Variants in SPSB4 observed in about 807,000 individuals in gnomAD.
The protein encoded by SPSB4 is splA/ryanodine receptor domain and SOCS box containing 4.
Under a neutral mutation model 20.9 loss-of-function variants are expected in SPSB4, and 21 were observed. The ratio of observed to expected loss-of-function variants is 1.01; its 90% confidence interval spans 0.71 to 1.45. The LOEUF is 1.45. Ranked by LOEUF, SPSB4 falls within the 40% of genes most tolerant of loss-of-function variation. The pLI is 0.00. For missense variants in SPSB4, 399 were observed against 399.2 expected (o/e 1.00, Z 0.00); for synonymous variants, 207 against 183.8 (o/e 1.13, Z -1.02).
intron 2 of SPSB4, among the ~76,000 whole-genome samples, chr3:141,110,165 C>T (rs1402781176): frequency 6.6e-6 from 1 of 152,164 alleles, no homozygotes; most frequent in Non-Finnish European, 1.5e-5. Flanking sequence ...CAGCCCTGTC[C>T]CAGGGCTGGA....
chr3:141,120,623 A>T (rs1938951915), intron 2 of SPSB4, among the ~76,000 whole-genome samples: 1 of 152,204 alleles, frequency 6.6e-6, no homozygotes, highest in South Asian at 2.1e-4. Flanking sequence ...TATTTAGGAT[A>T]GTTAGTTCTT....
At chr3:141,074,186 G>A (rs1938058875) in intron 2 of SPSB4, among the ~76,000 whole-genome samples, 1 of 152,100 alleles carries the variant, frequency 6.6e-6, no homozygotes, top group Non-Finnish European at 1.5e-5. Flanking sequence ...TCCTGACTTG[G>A]TTTCTAATTA....
At chr3:141,140,439 GT>G (rs1331260040) in intron 2 of SPSB4, among the ~76,000 whole-genome samples, 1 of 152,132 alleles carries the variant, frequency 6.6e-6, no homozygotes, top group African/African-American at 2.4e-5. Context: ...TTTCTGCTCT[GT>G]TTTTTCCCCA....
chr3:141,126,795 A>G (rs1939055423), intron 2 of SPSB4, among the ~76,000 whole-genome samples: 1 of 152,178 alleles, frequency 6.6e-6, no homozygotes, highest in Admixed American at 6.5e-5. Flanking sequence ...AATAGAGCCC[A>G]CTCCGACCCC....
chr3:141,075,118 C>CAATGCAGTTTCTGAGTCCGT (rs147497394), intron 2 of SPSB4, among the ~76,000 whole-genome samples: 45,971 of 151,230 alleles, frequency 0.3, 10,750 homozygotes, highest in African/African-American at 0.65. Flanking sequence ...AGTGAGAATT[C>CAATGCAGTTTCTGAGTCCGT]AATGCAGTTT....
chr3:141,074,169 G>C (rs1245358225), intron 2 of SPSB4, among the ~76,000 whole-genome samples: 1 of 152,120 alleles, frequency 6.6e-6, no homozygotes, highest in Non-Finnish European at 1.5e-5. Flanking sequence ...CACTGGCTTG[G>C]CTTCAGTCCT....
intron 2 of SPSB4, among the ~76,000 whole-genome samples, chr3:141,146,552 G>A (rs1401647533): frequency 3.3e-5 from 5 of 152,292 alleles, no homozygotes; most frequent in East Asian, 1.9e-4. Flanking sequence ...CGAGAAGGGC[G>A]ATCACGAGGT....
intron 2 of SPSB4, among the ~76,000 whole-genome samples, chr3:141,105,148 G>C (rs1356231626): frequency 6.6e-6 from 1 of 152,200 alleles, no homozygotes; most frequent in Admixed American, 6.5e-5. Context: ...GGCCAGAAAG[G>C]CTCACAGAAA....
At chr3:141,129,065 G>A (rs1469935434) in intron 2 of SPSB4, among the ~76,000 whole-genome samples, 2 of 152,210 alleles carry the variant, frequency 1.3e-5, no homozygotes, top group African/African-American at 2.4e-5. Context: ...TTTAGCCTGG[G>A]AGGGTGAGGA....
intron 2 of SPSB4, among the ~76,000 whole-genome samples, chr3:141,123,369 TG>T (rs1576538969): frequency 1.3e-5 from 2 of 152,270 alleles, no homozygotes; most frequent in African/African-American, 4.8e-5. Context: ...CAGAATTTTG[TG>T]CTTATTATTC....
chr3:141,063,260 G>A (rs1479398681), intron 1 of SPSB4, among the ~76,000 whole-genome samples: 1 of 152,006 alleles, frequency 6.6e-6, no homozygotes, highest in African/African-American at 2.4e-5. Context: ...TTTGCTTTGG[G>A]GAATGTCTCT....
chr3:141,091,478 A>T (rs1938448733), intron 2 of SPSB4, among the ~76,000 whole-genome samples: 1 of 152,168 alleles, frequency 6.6e-6, no homozygotes, highest in African/African-American at 2.4e-5. Context: ...TCAACTTTTG[A>T]ATCTGTTTTC....
intron 2 of SPSB4, among the ~76,000 whole-genome samples, chr3:141,133,762 A>G (rs953027678): frequency 3.9e-5 from 6 of 152,100 alleles, no homozygotes; most frequent in Non-Finnish European, 5.9e-5. Flanking sequence ...TGCTTAGGCT[A>G]TGTGAGCTCT....
chr3:141,126,003 G>C (rs907674875), intron 2 of SPSB4, among the ~76,000 whole-genome samples: 5 of 152,134 alleles, frequency 3.3e-5, no homozygotes, highest in African/African-American at 1.2e-4. Context: ...CACGCAGACA[G>C]GTTTGAAAGA....
intron 2 of SPSB4, among the ~76,000 whole-genome samples, chr3:141,143,563 A>G (rs1939370004): frequency 6.6e-6 from 1 of 152,192 alleles, no homozygotes; most frequent in South Asian, 2.1e-4. Context: ...TTGGTTATAG[A>G]TGTTTAGTGT....
rs542853489 is a variant in SPSB4, at chr3:141,067,577, T to C, written c.694+779T>C. Reference sequence around the variant, plus strand: ...GCTGCTGGGGTTGACCCCTGACAACTCTATGGCTTCCTCTCATTTAATATA... The same window carrying C: ...GCTGCTGGGGTTGACCCCTGACAACCCTATGGCTTCCTCTCATTTAATATA... On this transcript the variant is annotated intron_variant, in intron 2 of 2. Transcript: ENST00000310546. Among the ~76,000 whole-genome samples, 6 of 152,328 alleles carry C rather than the reference T, an allele frequency of 3.9e-5. No individual in the cohort carries two copies. The South Asian group carries it at 1.2e-3, about 32-fold the overall frequency.
At chr3:141,134,882 C>CTTT (rs759838468) in intron 2 of SPSB4, among the ~76,000 whole-genome samples, 1 of 136,176 alleles carries the variant, frequency 7.3e-6, no homozygotes, top group Non-Finnish European at 1.6e-5. Flanking sequence ...GGAATAGTTT[C>CTTT]TTTTTTTTTT....
intron 2 of SPSB4, among the ~76,000 whole-genome samples, chr3:141,141,297 G>A (rs961809203): frequency 9.9e-5 from 15 of 152,174 alleles, no homozygotes; most frequent in African/African-American, 3.4e-4. Flanking sequence ...GCGACGCCTC[G>A]CCCTGCTTTG....
intron 2 of SPSB4, among the ~76,000 whole-genome samples, chr3:141,091,337 T>C (rs1189550389): frequency 6.6e-6 from 1 of 152,202 alleles, no homozygotes; most frequent in Non-Finnish European, 1.5e-5. Context: ...CTCGTGAGCA[T>C]TGTCATGGAG....
Sources: allele counts gnomAD v4.1 joint callset (sites outside exome capture counted in the v4.1 genomes callset), GRCh38; gene constraint gnomAD v4.1.1; transcripts MANE v1.5; gene names NCBI Gene and HGNC (gene_info 2026-07-23, HGNC 2026-07-21).